SPATA17: variants seen among roughly 807,000 people sequenced by gnomAD.
SPATA17 encodes spermatogenesis associated 17, also known as spermatogenesis-associated protein 17.
In SPATA17, 53 loss-of-function variants were observed where a neutral mutation model predicts 62.2. That is an observed-to-expected ratio of 0.85 (90% CI 0.68 to 1.07). The LOEUF (loss-of-function observed/expected upper bound fraction) is 1.07. SPATA17 is among the 50% of genes least tolerant of loss of function. The pLI, the probability that SPATA17 is intolerant of heterozygous loss-of-function variation, is 0.00. For synonymous variants in SPATA17, 146 were observed against 146.8 expected (o/e 0.99, Z 0.04); for missense variants, 466 against 425.5 (o/e 1.10, Z -0.84).
intron 9 of SPATA17, among the ~76,000 whole-genome samples, chr1:217,848,159 A>G (rs1675569557): frequency 6.6e-6 from 1 of 152,198 alleles, no homozygotes; most frequent in Non-Finnish European, 1.5e-5. Context: ...TATTGATATA[A>G]AAGTTAAAAC....
At chr1:217,717,475 G>A (rs1224865810) in intron 5 of SPATA17, among the ~76,000 whole-genome samples, 3 of 152,172 alleles carry the variant, frequency 2.0e-5, no homozygotes, top group East Asian at 3.9e-4. Context: ...AGCTGGCGAG[G>A]TGGTGGGCTC....
At chr1:217,837,876 C>G (rs578040969) in intron 9 of SPATA17, among the ~76,000 whole-genome samples, 14 of 152,234 alleles carry the variant, frequency 9.2e-5, no homozygotes, top group African/African-American at 1.7e-4. Flanking sequence ...AAATAGCAGA[C>G]AGCTGCTCCC....
chr1:217,860,275 T>G (rs1675872560), intron 9 of SPATA17, among the ~76,000 whole-genome samples: 1 of 152,174 alleles, frequency 6.6e-6, no homozygotes, highest in South Asian at 2.1e-4. Flanking sequence ...CGTTGTATGA[T>G]TTCTCTTCTT....
At chr1:217,757,575 A>G (rs756034192) in intron 6 of SPATA17, among the ~76,000 whole-genome samples, 2 of 152,190 alleles carry the variant, frequency 1.3e-5, no homozygotes, top group Non-Finnish European at 2.9e-5. Context: ...AAGGGCAGAG[A>G]GAAGCCCATA....
chr1:217,728,292 G>A (rs996502739), intron 5 of SPATA17, among the ~76,000 whole-genome samples: 2 of 152,000 alleles, frequency 1.3e-5, no homozygotes, highest in African/African-American at 4.8e-5. Context: ...AGCACTTATG[G>A]TATACCAAGC....
chr1:217,788,314 A>AAG (rs1673914657), intron 8 of SPATA17, among the ~76,000 whole-genome samples: 1 of 151,094 alleles, frequency 6.6e-6, no homozygotes, highest in Non-Finnish European at 1.5e-5. Flanking sequence ...ATATTGCAAT[A>AAG]GAAATGAGAA....
At chr1:217,803,185 T>G (rs977917388) in intron 9 of SPATA17, among the ~76,000 whole-genome samples, 4 of 152,146 alleles carry the variant, frequency 2.6e-5, no homozygotes, top group Non-Finnish European at 5.9e-5. Flanking sequence ...GTTCTGGGAT[T>G]ATAGGCATGA....
chr1:217,760,124 C>T (rs1673136613), intron 6 of SPATA17, among the ~76,000 whole-genome samples: 1 of 152,062 alleles, frequency 6.6e-6, no homozygotes, highest in South Asian at 2.1e-4. Context: ...TTTGTATTGA[C>T]CAAATTATTT....
chr1:217,827,773 A>G (rs906892450), intron 9 of SPATA17, among the ~76,000 whole-genome samples: 2 of 152,164 alleles, frequency 1.3e-5, no homozygotes, highest in Non-Finnish European at 2.9e-5. Context: ...TCAGCAAACT[A>G]ATGCAGGAAC....
chr1:217,684,493 C>T (rs1423335583), intron 5 of SPATA17, among the ~76,000 whole-genome samples: 1 of 152,114 alleles, frequency 6.6e-6, no homozygotes, highest in Non-Finnish European at 1.5e-5. Context: ...CGGCTCACTG[C>T]AACCTCTGCT....
intron 5 of SPATA17, among the ~76,000 whole-genome samples, chr1:217,696,683 C>T (rs1671469326): frequency 6.6e-6 from 1 of 151,972 alleles, no homozygotes; most frequent in Non-Finnish European, 1.5e-5. Context: ...ATCATATTTC[C>T]TGATTTTTTT....
chr1:217,707,833 A>G (rs1364715614), intron 5 of SPATA17, among the ~76,000 whole-genome samples: 1 of 152,208 alleles, frequency 6.6e-6, no homozygotes, highest in Non-Finnish European at 1.5e-5. Context: ...AAATCAAAAA[A>G]CCTGTAATCC....
intron 9 of SPATA17, among the ~76,000 whole-genome samples, chr1:217,838,140 G>T (rs1307646224): frequency 6.6e-6 from 1 of 152,004 alleles, no homozygotes; most frequent in Non-Finnish European, 1.5e-5. Context: ...TCTGTTTCTT[G>T]TTACTATTTT....
intron 9 of SPATA17, among the ~76,000 whole-genome samples, chr1:217,824,063 C>T (rs1228065246): frequency 6.6e-6 from 1 of 151,866 alleles, no homozygotes; most frequent in African/African-American, 2.4e-5. Flanking sequence ...TTTTTAAAAT[C>T]CATTCAGCCA....
At chr1:217,670,222 A>C (rs956496513) in intron 4 of SPATA17, among the ~76,000 whole-genome samples, 3 of 152,134 alleles carry the variant, frequency 2.0e-5, no homozygotes, top group South Asian at 2.1e-4. Context: ...TTCTTACTTC[A>C]TGTCAGATGT....
At chr1:217,802,804 CA>C (rs1271512983) in intron 9 of SPATA17, among the ~76,000 whole-genome samples, 2 of 152,256 alleles carry the variant, frequency 1.3e-5, no homozygotes, top group East Asian at 3.9e-4. Flanking sequence ...CTCTTGAATG[CA>C]AATACATTCT....
chr1:217,696,671 G>T (rs561670413), intron 5 of SPATA17, among the ~76,000 whole-genome samples: 1 of 152,190 alleles, frequency 6.6e-6, no homozygotes, highest in Admixed American at 6.5e-5. Context: ...CTGGTTGTTT[G>T]TATCATATTT....
At chr1:217,721,249 C>T (rs1672120339) in intron 5 of SPATA17, among the ~76,000 whole-genome samples, 1 of 152,118 alleles carries the variant, frequency 6.6e-6, no homozygotes, top group South Asian at 2.1e-4. Context: ...GGATCTTTTT[C>T]ATAATTCCTT....
intron 9 of SPATA17, among the ~76,000 whole-genome samples, chr1:217,830,932 T>C (rs1306063445): frequency 6.6e-6 from 1 of 152,168 alleles, no homozygotes; most frequent in South Asian, 2.1e-4. Flanking sequence ...AGAATATTAA[T>C]TAAATATTAT....
Sources: allele counts gnomAD v4.1 joint callset (sites outside exome capture counted in the v4.1 genomes callset), GRCh38; gene constraint gnomAD v4.1.1; transcripts MANE v1.5; gene names NCBI Gene and HGNC (gene_info 2026-07-23, HGNC 2026-07-21).